The following RASGRP1 variants were observed in gnomAD, a reference collection of about 807,000 sequenced individuals.
RASGRP1 encodes RAS guanyl-releasing protein 1.
RASGRP1 carries 37 observed loss-of-function variants against 95.1 expected under a neutral mutation model. That is an observed-to-expected ratio of 0.39 (90% CI 0.30 to 0.51). RASGRP1 has a LOEUF of 0.51. Ranked by LOEUF, RASGRP1 falls within the 20% of genes least tolerant of loss-of-function variation. The pLI, the probability that RASGRP1 is intolerant of heterozygous loss-of-function variation, is 0.80. For missense variants in RASGRP1, 711 were observed against 965.4 expected, an observed-to-expected ratio of 0.74 and a Z score of 3.49; for synonymous variants, 325 against 353.4, an observed-to-expected ratio of 0.92 and a Z score of 0.90.
intron 2 of RASGRP1, among the ~76,000 whole-genome samples, chr15:38,538,245 T>C (rs963456080): frequency 6.6e-6 from 1 of 152,086 alleles, no homozygotes; most frequent in Admixed American, 6.5e-5. Context: ...GCCTGGGGGA[T>C]AGAGCAAGAC....
rs1892756928 is a variant in RASGRP1, at chr15:38,538,814, A to G, written c.221-12410T>C. Among the ~76,000 whole-genome samples the G allele has an allele frequency of 2.0e-5, 3 of 152,182 alleles. No homozygotes were observed. In the South Asian group the frequency reaches 6.2e-4, roughly 32 times the overall value. On this transcript the variant is annotated intron_variant, in intron 2 of 16. Coordinates refer to ENST00000310803, the MANE Select transcript of RASGRP1 (RefSeq NM_005739.4). ...GAGATGGCACTCAAGATAAGAAAAA[A>G]GTGTTAATATCTTTTGAGGAGAACA...
At chr15:38,522,331 G>A (rs1362270976) in intron 3 of RASGRP1, among the ~76,000 whole-genome samples, 5 of 152,106 alleles carry the variant, frequency 3.3e-5, no homozygotes, top group Admixed American at 6.6e-5. Context: ...AGACACAAAC[G>A]TTCTGTACTT....
At chr15:38,522,425 T>G (rs1473015274) in intron 3 of RASGRP1, among the ~76,000 whole-genome samples, 1 of 152,154 alleles carries the variant, frequency 6.6e-6, no homozygotes, top group East Asian at 1.9e-4. Context: ...ATACATTTAT[T>G]TAGCTAACAG....
chr15:38,533,255 A>G (rs983168410), intron 2 of RASGRP1, among the ~76,000 whole-genome samples: 5 of 152,176 alleles, frequency 3.3e-5, no homozygotes, highest in African/African-American at 1.2e-4. Context: ...AGGATCAGAA[A>G]ACCTAGGGGC....
chr15:38,527,872 T>C (rs1892287183), intron 2 of RASGRP1, among the ~76,000 whole-genome samples: 1 of 151,978 alleles, frequency 6.6e-6, no homozygotes, highest in Admixed American at 6.6e-5. Flanking sequence ...GGTGGGAGGA[T>C]CGCTTGAGGT....
intron 2 of RASGRP1, among the ~76,000 whole-genome samples, chr15:38,532,269 C>T (rs978831638): frequency 7.9e-5 from 12 of 152,112 alleles, no homozygotes; most frequent in African/African-American, 2.9e-4. Context: ...TTTTCATTAC[C>T]ATCTGCTTCT....
chr15:38,557,443 A>T (rs2141195467), intron 2 of RASGRP1, among the ~76,000 whole-genome samples: 1 of 152,288 alleles, frequency 6.6e-6, no homozygotes, highest in East Asian at 1.9e-4. Flanking sequence ...GACTTCCCGC[A>T]GCATTCCCTT....
intron 2 of RASGRP1, among the ~76,000 whole-genome samples, chr15:38,551,647 A>G (rs1429907854): frequency 6.6e-6 from 1 of 152,216 alleles, no homozygotes; most frequent in Non-Finnish European, 1.5e-5. Context: ...GCAAATTTAA[A>G]CACAAAAATC....
At chr15:38,564,522 G>A (rs1486882143) in intron 1 of RASGRP1, 72 bp downstream of exon 1, 55 of 1,284,382 alleles carry the variant, frequency 4.3e-5, no homozygotes, top group Middle Eastern at 2.3e-4. Flanking sequence ...GGGGTGTTGG[G>A]GCGACGGGCA....
intron 2 of RASGRP1, among the ~76,000 whole-genome samples, chr15:38,538,963 C>T (rs1892762608): frequency 6.6e-6 from 1 of 152,168 alleles, no homozygotes; most frequent in African/African-American, 2.4e-5. Context: ...GTACTAATAA[C>T]CTCTATTTAT....
intron 2 of RASGRP1, among the ~76,000 whole-genome samples, chr15:38,552,952 C>CT (rs144236985): frequency 0.027 from 4,169 of 152,244 alleles, 207 homozygotes; most frequent in African/African-American, 0.095. Flanking sequence ...GCCCTCTGGT[C>CT]TTGTGGCTCT....
chr15:38,536,599 C>T (rs185950402), intron 2 of RASGRP1, among the ~76,000 whole-genome samples: 25 of 152,366 alleles, frequency 1.6e-4, no homozygotes, highest in Admixed American at 1.6e-3. Context: ...CTCAGCCTTC[C>T]TCAGACAATT....
At chr15:38,553,652 T>C (rs1233081908) in intron 2 of RASGRP1, among the ~76,000 whole-genome samples, 1 of 152,218 alleles carries the variant, frequency 6.6e-6, no homozygotes, top group Non-Finnish European at 1.5e-5. Flanking sequence ...AGAATCAAAC[T>C]GTAGTTGTAA....
chr15:38,494,265 T>C, intron 16 of RASGRP1, 117 bp downstream of exon 16: 1 of 1,344,926 alleles, frequency 7.4e-7, no homozygotes, highest in Non-Finnish European at 1.0e-6. Context: ...TCCTCCTTTT[T>C]TGTTTTAGAC....
chr15:38,492,829 T>C (rs1187193873), intron 16 of RASGRP1, among the ~76,000 whole-genome samples: 2 of 151,994 alleles, frequency 1.3e-5, no homozygotes, highest in Non-Finnish European at 2.9e-5. Context: ...ATCTTGACAG[T>C]TGGCTGTTGG....
chr15:38,534,868 G>A (rs1892582046), intron 2 of RASGRP1, among the ~76,000 whole-genome samples: 1 of 152,328 alleles, frequency 6.6e-6, no homozygotes, highest in East Asian at 1.9e-4. Flanking sequence ...GCTGGGGCCA[G>A]AGTAGTAGAG....
intron 16 of RASGRP1, among the ~76,000 whole-genome samples, chr15:38,491,977 C>G (rs1291854972): frequency 6.6e-6 from 1 of 152,180 alleles, no homozygotes; most frequent in Non-Finnish European, 1.5e-5. Flanking sequence ...GAATCCCAGC[C>G]CTGTATTTCA....
At chr15:38,546,672 A>C (rs1280737329) in intron 2 of RASGRP1, among the ~76,000 whole-genome samples, 1 of 152,184 alleles carries the variant, frequency 6.6e-6, no homozygotes, top group African/African-American at 2.4e-5. Flanking sequence ...CAGCATTAGG[A>C]CTGGACCTCA....
rs769407671 is a variant in RASGRP1 at position 38,518,306 on chromosome 15, A to G, written c.507T>C (p.Ile169=). Residue 169 remains isoleucine, a synonymous_variant, in exon 5 of 17, where the codon ATT becomes ATC. Transcript: ENST00000310803. The part of the protein sequence containing the change: ...AKGEELHCRL[I]DTTQINARDW... ...TTGACACTCACATTTGAGTTGTGTC[A>G]ATCAGGCGGCAATGTAACTCCTCAC... The G allele has an allele frequency of 3.1e-6, 5 of 1,610,258 alleles. No individual in the cohort carries two copies. In the South Asian group the frequency reaches 5.6e-5, roughly 18 times the overall value.
Sources: allele counts gnomAD v4.1 joint callset (sites outside exome capture counted in the v4.1 genomes callset), GRCh38; gene constraint gnomAD v4.1.1; transcripts MANE v1.5; gene names NCBI Gene and HGNC (gene_info 2026-07-23, HGNC 2026-07-21).